The following IFT122 variants were observed in gnomAD, a reference collection of about 807,000 sequenced individuals.
IFT122 encodes intraflagellar transport protein 122 homolog.
In IFT122, 118 loss-of-function variants were observed where a neutral mutation model predicts 161.6. That is an observed-to-expected ratio of 0.73 (90% CI 0.63 to 0.85). The LOEUF is 0.85. Among genes scored for constraint, IFT122 ranks in the 40% least tolerant of loss-of-function variants. The pLI is 0.00. For missense variants in IFT122, 1,381 were observed against 1,579.6 expected (o/e 0.87, Z 2.13); for synonymous variants, 550 against 602.4 (o/e 0.91, Z 1.27).
At chr3:129,468,543 C>T (rs186665616) in intron 8 of IFT122, among the ~76,000 whole-genome samples, 3 of 152,304 alleles carry the variant, frequency 2.0e-5, no homozygotes, top group African/African-American at 7.2e-5. Flanking sequence ...AGGGTTTCCC[C>T]ATGTTGGCCA....
chr3:129,463,739 C>G, intron 6 of IFT122, 113 bp downstream of exon 6: 13 of 827,130 alleles, frequency 1.6e-5, no homozygotes, highest in Non-Finnish European at 2.6e-5. Context: ...TTGGTTTAGG[C>G]CCCTGTATTT....
At chr3:129,519,829 C>T in intron 29 of IFT122, 97 bp downstream of exon 29, 1 of 1,413,532 alleles carries the variant, frequency 7.1e-7, no homozygotes, top group Non-Finnish European at 9.9e-7. Flanking sequence ...GGAGGAGGGG[C>T]ACATCCATGG....
Position 129,483,836 on chromosome 3 carries a change from C to T in IFT122, c.1851+154C>T, listed in dbSNP as rs1180725009. On this transcript the variant is annotated intron_variant, in intron 15 of 29. Coordinates refer to ENST00000348417, the MANE Select transcript of IFT122 (RefSeq NM_052989.3). ...GGCAGTCTGGGCCTGGAACCTGCCG[C>T]CCTGTCTCCACTCCTTGCAACCTGT... 1.3e-5 allele frequency: 10 copies of T among 795,484 alleles called. No individual in the cohort carries two copies. In the Admixed American group the frequency reaches 2.0e-4, roughly 16 times the overall value. The allele number at this position is 795,484 out of a possible 1,614,324, so 49.3% of individuals were successfully genotyped here.
intron 9 of IFT122, among the ~76,000 whole-genome samples, chr3:129,473,881 C>T (rs577097182): frequency 2.6e-5 from 4 of 152,194 alleles, no homozygotes; most frequent in South Asian, 2.1e-4. Flanking sequence ...TGCTTTTGGT[C>T]GCCCTGAAAT....
At chr3:129,499,566 G>A (rs1242155128) in intron 18 of IFT122, among the ~76,000 whole-genome samples, 1 of 152,150 alleles carries the variant, frequency 6.6e-6, no homozygotes, top group African/African-American at 2.4e-5. Flanking sequence ...ATGAACCCCC[G>A]ACCCTGCAGA....
At chr3:129,504,121 G>T in intron 20 of IFT122, 198 bp from the exon 21 acceptor site, 324 of 520,870 alleles carry the variant, frequency 6.2e-4, no homozygotes, top group East Asian at 7.7e-4. Context: ...CTTGCATATT[G>T]CTGTTAATTG....
chr3:129,490,581 A>T (rs2079954759), intron 16 of IFT122, among the ~76,000 whole-genome samples: 1 of 152,358 alleles, frequency 6.6e-6, no homozygotes, highest in South Asian at 2.1e-4. Context: ...GCTGAGCTAC[A>T]GCTAGAAAGA....
At chr3:129,476,587 G>A in intron 10 of IFT122, 76 bp from the exon 11 acceptor site, 1 of 1,613,492 alleles carries the variant, frequency 6.2e-7, no homozygotes, top group Non-Finnish European at 8.5e-7. Flanking sequence ...CACATCACTG[G>A]GGTTTGTGTC....
intron 18 of IFT122, among the ~76,000 whole-genome samples, chr3:129,495,959 G>A (rs1042405791): frequency 4.6e-5 from 7 of 152,196 alleles, no homozygotes; most frequent in African/African-American, 1.4e-4. Context: ...GTCAGGAGCC[G>A]CCAAGAATCG....
At chr3:129,482,451 G>A (rs1051133636) in intron 14 of IFT122, among the ~76,000 whole-genome samples, 10 of 152,094 alleles carry the variant, frequency 6.6e-5, no homozygotes, top group East Asian at 3.9e-4. Flanking sequence ...TGGTTTCCTC[G>A]GCCACTGCAG....
chr3:129,462,708 G>A (rs1205695584), intron 5 of IFT122, among the ~76,000 whole-genome samples: 1 of 152,192 alleles, frequency 6.6e-6, no homozygotes, highest in Non-Finnish European at 1.5e-5. Context: ...ATGTATTTGT[G>A]CACTGGAGTT....
chr3:129,459,623 TCC>T (rs2075962695), intron 4 of IFT122, among the ~76,000 whole-genome samples: 1 of 148,466 alleles, frequency 6.7e-6, no homozygotes, highest in Non-Finnish European at 1.5e-5. Flanking sequence ...CTTCCTTCCT[TCC>T]TTCCTTCCTT....
At chr3:129,453,171 G>A (rs1177402938) in intron 3 of IFT122, among the ~76,000 whole-genome samples, 1 of 152,168 alleles carries the variant, frequency 6.6e-6, no homozygotes, top group Non-Finnish European at 1.5e-5. Flanking sequence ...AAGAGGAGAT[G>A]GGATCTAGGG....
intron 7 of IFT122, among the ~76,000 whole-genome samples, chr3:129,465,502 G>A (rs894578927): frequency 8.1e-6 from 1 of 123,584 alleles, no homozygotes; most frequent in African/African-American, 3.3e-5. Flanking sequence ...ATGGAGTCTC[G>A]CTCGGTTGCC....
At chr3:129,519,071 CT>C in intron 27 of IFT122, 35 bp from the exon 28 acceptor site, 1 of 1,581,858 alleles carries the variant, frequency 6.3e-7, no homozygotes, top group Non-Finnish European at 8.7e-7. Context: ...GTCTCCATCT[CT>C]GCTTCTGATT....
intron 26 of IFT122, among the ~76,000 whole-genome samples, chr3:129,517,268 G>GCACACACACACACACACA (rs777108020): frequency 8.5e-6 from 1 of 117,004 alleles, no homozygotes; most frequent in African/African-American, 3.2e-5. Flanking sequence ...CATTGCTCCT[G>GCACACACACACACACACA]CACACACACA....
intron 2 of IFT122, among the ~76,000 whole-genome samples, 185 bp from the exon 3 acceptor site, chr3:129,451,728 TC>T (rs1477408429): frequency 6.6e-6 from 1 of 152,212 alleles, no homozygotes; most frequent in Non-Finnish European, 1.5e-5. Context: ...TAGACCTGGG[TC>T]CTCTACTTCT....
At chr3:129,454,395 TA>T (rs60037525) in intron 3 of IFT122, among the ~76,000 whole-genome samples, 9,270 of 133,804 alleles carry the variant, frequency 0.069, 916 homozygotes, top group African/African-American at 0.22. Flanking sequence ...CTCTGTCTCT[TA>T]AAAAAAAAAA....
chr3:129,510,669 G>GTA (rs2082722486), intron 23 of IFT122, among the ~76,000 whole-genome samples: 1 of 152,166 alleles, frequency 6.6e-6, no homozygotes, highest in African/African-American at 2.4e-5. Context: ...ATGGGGCTGA[G>GTA]GGCTCCTGTC....
Sources: gnomAD v4.1 joint callset for allele counts (sites outside exome capture counted in the v4.1 genomes callset) on GRCh38, gnomAD v4.1.1 for gene constraint, MANE v1.5 for transcripts, NCBI Gene and HGNC (gene_info 2026-07-23, HGNC 2026-07-21) for gene names.